MNAT1: variants seen among roughly 807,000 people sequenced by gnomAD.
MNAT1 encodes CDK-activating kinase assembly factor MAT1.
MNAT1 carries 43 observed loss-of-function variants against 42.0 expected under a neutral mutation model. The observed-to-expected ratio is 1.02, with a 90% CI of 0.80 to 1.32. The LOEUF is 1.32. Ranked by LOEUF, MNAT1 falls within the 40% of genes most tolerant of loss-of-function variation. The probability of loss-of-function intolerance (pLI) is 0.00; values close to 1 mark genes in which losing one functional copy is unlikely to be tolerated. For synonymous variants in MNAT1, 118 were observed against 120.0 expected (o/e 0.98, Z 0.11); for missense variants, 306 against 350.4 (o/e 0.87, Z 1.01).
chr14:60,944,975 T>G (rs531732629), intron 7 of MNAT1, among the ~76,000 whole-genome samples: 1 of 152,150 alleles, frequency 6.6e-6, no homozygotes, highest in Non-Finnish European at 1.5e-5. Context: ...GTAAATATGA[T>G]TATAGCAGTT....
chr14:60,765,532 A>G (rs1008715339), intron 1 of MNAT1, among the ~76,000 whole-genome samples: 5 of 152,248 alleles, frequency 3.3e-5, no homozygotes, highest in Admixed American at 3.3e-4. Flanking sequence ...TTAAAAAATT[A>G]AAAACAAAGT....
intron 4 of MNAT1, chr14:60,809,125 CTT>C (rs970548792): frequency 6.6e-6 from 1 of 152,046 alleles, no homozygotes; most frequent in Non-Finnish European, 1.5e-5. Context: ...AATTTATACA[CTT>C]TAGCTATCAT....
Position 60,922,245 on chromosome 14 carries a change from A to G in MNAT1, c.809+42410A>G, listed in dbSNP as rs1037862275. 6.6e-5 allele frequency among the ~76,000 whole-genome samples: 10 copies of G among 152,292 alleles called. No individual in the cohort carries two copies. In the East Asian group the frequency reaches 1.9e-3, roughly 29 times the overall value. On this transcript the variant is annotated intron_variant, in intron 7 of 7. Transcript: ENST00000261245. ...GGAACTTTTGGCAGTGAGTCAGAAT[A>G]TAATGGACTATGATTAATGTTTTAA...
chr14:60,951,422 T>G (rs576042716), intron 7 of MNAT1, among the ~76,000 whole-genome samples: 27 of 152,058 alleles, frequency 1.8e-4, no homozygotes, highest in Non-Finnish European at 3.4e-4. Context: ...TTTTCACATT[T>G]TCCTTTTTTT....
At chr14:60,833,574 G>T (rs577539053) in intron 6 of MNAT1, among the ~76,000 whole-genome samples, 3 of 152,314 alleles carry the variant, frequency 2.0e-5, no homozygotes, top group African/African-American at 7.2e-5. Flanking sequence ...GGTGGATTCA[G>T]TTTGCCAGTA....
intron 7 of MNAT1, among the ~76,000 whole-genome samples, chr14:60,908,967 T>C (rs936858409): frequency 4.6e-5 from 7 of 152,106 alleles, no homozygotes; most frequent in African/African-American, 7.2e-5. Context: ...TATTTCTCCA[T>C]ATCCTCTCCA....
chr14:60,812,111 C>A lies in MNAT1; in HGVS notation c.545C>A (p.Ala182Asp), dbSNP rs767189206. Residue 182 changes from alanine to aspartate, a missense_variant, in exon 5 of 8, where the codon GCT becomes GAT. This residue lies in a region of MNAT1 where 118 missense variants were observed against 99.8 expected (regional missense o/e 1.18). Transcript: ENST00000261245. ...QQILKRKNKQ[A>D]FLDELESSDL... ...ATTCTAAAAAGGAAGAATAAGCAGG[C>A]TTTTTTAGATGAGCTGGTATGTATT... 1.3e-6 allele frequency: 2 copies of A among 1,580,632 alleles called. No homozygotes were observed. The highest frequency in any genetic ancestry group is 1.7e-6 in the Non-Finnish European group (2 of 1,168,066).
chr14:60,773,507 A>C (rs1367362483), intron 1 of MNAT1, among the ~76,000 whole-genome samples: 1 of 152,096 alleles, frequency 6.6e-6, no homozygotes, highest in African/African-American at 2.4e-5. Flanking sequence ...AGTGGGCCAT[A>C]AAAAGCAGGA....
At chr14:60,738,852 G>A (rs1451162859) in intron 1 of MNAT1, among the ~76,000 whole-genome samples, 2 of 152,106 alleles carry the variant, frequency 1.3e-5, no homozygotes, top group Non-Finnish European at 2.9e-5. Flanking sequence ...GGCTCTTAAT[G>A]AAAAATTTTT....
intron 7 of MNAT1, among the ~76,000 whole-genome samples, chr14:60,905,956 C>A (rs898265623): frequency 6.6e-6 from 1 of 152,072 alleles, no homozygotes; most frequent in African/African-American, 2.4e-5. Context: ...ACATAAAATT[C>A]CATATGATAA....
At chr14:60,807,384 A>G (rs2032405587) in intron 3 of MNAT1, among the ~76,000 whole-genome samples, 1 of 152,138 alleles carries the variant, frequency 6.6e-6, no homozygotes, top group African/African-American at 2.4e-5. Flanking sequence ...TTTAGGGTAG[A>G]TCCGTCTTGT....
chr14:60,772,735 C>T (rs925813703), intron 1 of MNAT1, among the ~76,000 whole-genome samples: 7 of 151,988 alleles, frequency 4.6e-5, no homozygotes, highest in South Asian at 2.1e-4. Context: ...TAATCTTATA[C>T]GTCTAAAAGT....
intron 7 of MNAT1, among the ~76,000 whole-genome samples, chr14:60,884,705 T>C (rs979021184): frequency 6.6e-6 from 1 of 152,122 alleles, no homozygotes; most frequent in African/African-American, 2.4e-5. Flanking sequence ...TATCTTTTAG[T>C]TTTCCTACTT....
Position 60,914,882 on chromosome 14 carries a change from A to G in MNAT1, c.809+35047A>G, listed in dbSNP as rs139099091. Reference sequence around the variant, plus strand: ...CAGAGTGAACATGGGTAGCAAATCAAATTTTAGTTTATGAGGGATTTTTGA... The same window carrying G: ...CAGAGTGAACATGGGTAGCAAATCAGATTTTAGTTTATGAGGGATTTTTGA... On this transcript the variant is annotated intron_variant, in intron 7 of 7. Coordinates refer to ENST00000261245, the MANE Select transcript of MNAT1 (RefSeq NM_002431.4). 9.0e-4 allele frequency among the ~76,000 whole-genome samples: 137 copies of G among 152,318 alleles called. 1 individual carries two copies. The highest frequency in any genetic ancestry group is 3.1e-3 in the African/African-American group (127 of 41,578).
chr14:60,852,570 T>G (rs916611504), intron 6 of MNAT1, among the ~76,000 whole-genome samples: 9 of 152,232 alleles, frequency 5.9e-5, no homozygotes, highest in Admixed American at 4.6e-4. Context: ...TTTGTCAGTT[T>G]TGGCTTTTGT....
chr14:60,910,587 G>A (rs556952395), intron 7 of MNAT1, among the ~76,000 whole-genome samples: 1 of 152,178 alleles, frequency 6.6e-6, no homozygotes, highest in South Asian at 2.1e-4. Context: ...AGATAATCAT[G>A]TTTTTTTGTC....
chr14:60,947,619 G>A (rs905219079), intron 7 of MNAT1, among the ~76,000 whole-genome samples: 5 of 152,170 alleles, frequency 3.3e-5, no homozygotes, highest in South Asian at 2.1e-4. Flanking sequence ...GGAGGCAGAG[G>A]TTGCAGTAAG....
chr14:60,780,479 G>C (rs2031418326), intron 1 of MNAT1: 3 of 1,520,870 alleles, frequency 2.0e-6, no homozygotes, highest in Non-Finnish European at 2.7e-6. Context: ...TGAAAAATGG[G>C]AAGAGTCGGG....
intron 7 of MNAT1, among the ~76,000 whole-genome samples, chr14:60,938,872 T>G (rs1217758699): frequency 6.6e-6 from 1 of 152,200 alleles, no homozygotes; most frequent in East Asian, 1.9e-4. Context: ...TGGACTTCTT[T>G]TTGTTGGTAA....
Sources: gnomAD v4.1 joint callset for allele counts (sites outside exome capture counted in the v4.1 genomes callset) on GRCh38, gnomAD v4.1.1 for gene constraint, gnomAD v4.1.1 regional missense constraint, MANE v1.5 for transcripts, NCBI Gene and HGNC (gene_info 2026-07-23, HGNC 2026-07-21) for gene names.